Variants in PKHD1 observed in about 807,000 individuals in gnomAD.
PKHD1 encodes the protein fibrocystin.
In PKHD1, 291 loss-of-function variants were observed where a neutral mutation model predicts 412.0. The observed-to-expected ratio is 0.71, with a 90% CI of 0.64 to 0.78. The LOEUF (loss-of-function observed/expected upper bound fraction) is 0.78, where lower values mean the gene tolerates loss of function less well. Among genes scored for constraint, PKHD1 ranks in the 30% least tolerant of loss-of-function variants. The probability of loss-of-function intolerance (pLI) is 0.00; values close to 1 mark genes in which losing one functional copy is unlikely to be tolerated. For missense variants in PKHD1, 4,825 were observed against 4,950.7 expected (o/e 0.97, Z 0.76); for synonymous variants, 1,777 against 1,821.5 (o/e 0.98, Z 0.62).
intron 43 of PKHD1, among the ~76,000 whole-genome samples, chr6:51,899,513 A>G (rs1314664066): frequency 6.6e-6 from 1 of 151,830 alleles, no homozygotes; most frequent in Non-Finnish European, 1.5e-5. Flanking sequence ...GATGGGATGT[A>G]TTTCAAAATA....
Position 51,627,061 on chromosome 6 carries a change from G to A in PKHD1, c.11721C>T (p.Ile3907=), listed in dbSNP as rs751898701. 1.9e-6 allele frequency: 3 copies of A among 1,609,934 alleles called. No homozygotes were observed. In the African/African-American group the frequency reaches 4.0e-5, roughly 22 times the overall value. Residue 3907 remains isoleucine, a synonymous_variant, in exon 66 of 67, where the codon ATC becomes ATT. Transcript: ENST00000371117. ...ESQTNNQNIH[I]HISSKRRESQ... The stretch of plus-strand genomic sequence containing the variant: ...ATTCTCGGCGTTTGGATGAGATGTG[G>A]ATATGAATATTTTGATTATTAGTCT...
At chr6:51,693,017 G>A (rs1311571119) in intron 60 of PKHD1, among the ~76,000 whole-genome samples, 1 of 152,038 alleles carries the variant, frequency 6.6e-6, no homozygotes, top group Non-Finnish European at 1.5e-5. Flanking sequence ...CCTCAACTGT[G>A]GTATGTATTG....
At chr6:51,944,033 C>A (rs564309254) in intron 36 of PKHD1, among the ~76,000 whole-genome samples, 2 of 151,916 alleles carry the variant, frequency 1.3e-5, no homozygotes, top group Non-Finnish European at 1.5e-5. Context: ...GTGACCTGCA[C>A]GTATACATCC....
At chr6:51,639,471 A>G (rs1363382408) in intron 63 of PKHD1, among the ~76,000 whole-genome samples, 1 of 152,142 alleles carries the variant, frequency 6.6e-6, no homozygotes, top group Non-Finnish European at 1.5e-5. Flanking sequence ...ATGTGGTACC[A>G]GAATTAGGCC....
chr6:52,035,866 C>A, intron 27 of PKHD1, 145 bp from the exon 28 acceptor site: 4 of 808,050 alleles, frequency 5.0e-6, no homozygotes, highest in Middle Eastern at 3.5e-4. Context: ...AGGAAAAAAA[C>A]TGGAGTTAAA....
chr6:51,842,278 G>A (rs1046549592), intron 50 of PKHD1, among the ~76,000 whole-genome samples: 5 of 152,118 alleles, frequency 3.3e-5, no homozygotes, highest in Non-Finnish European at 5.9e-5. Flanking sequence ...GTGTGAACTC[G>A]GGAGGGCAAC....
chr6:51,870,429 T>C, intron 47 of PKHD1, 75 bp downstream of exon 47: 1 of 1,163,130 alleles, frequency 8.6e-7, no homozygotes, highest in Middle Eastern at 1.9e-4. Flanking sequence ...ATTCACAAAG[T>C]ATTTGCCACT....
At chr6:51,980,163 C>A (rs1200320390) in intron 35 of PKHD1, among the ~76,000 whole-genome samples, 1 of 152,180 alleles carries the variant, frequency 6.6e-6, no homozygotes, top group Non-Finnish European at 1.5e-5. Flanking sequence ...AAGCAACAAA[C>A]AAATGGGGGA....
intron 60 of PKHD1, chr6:51,682,237 A>C (rs1394051775): frequency 1.3e-5 from 6 of 455,646 alleles, no homozygotes; most frequent in Non-Finnish European, 2.2e-5. Context: ...TTTTGTCCCC[A>C]GGAGACCTAG....
chr6:51,782,379 A>G (rs1792173737), intron 53 of PKHD1, among the ~76,000 whole-genome samples: 1 of 152,190 alleles, frequency 6.6e-6, no homozygotes, highest in Admixed American at 6.6e-5. Context: ...TTTTGAAATA[A>G]GTATTATTTA....
Position 51,897,138 on chromosome 6 carries a change from G to A in PKHD1, c.6996+6459C>T, listed in dbSNP as rs573043857. Among the ~76,000 whole-genome samples the A allele has an allele frequency of 2.1e-4, 32 of 152,126 alleles. 1 individual carries two copies. In the South Asian group the frequency reaches 3.3e-3, roughly 16 times the overall value. ...CCCCAATCTAGCAAGGCAGGCCAACGTTCAGATTCAGGAAATAGAGAGAAC... is the reference window on the plus strand; with the variant it reads ...CCCCAATCTAGCAAGGCAGGCCAACATTCAGATTCAGGAAATAGAGAGAAC... On this transcript the variant is annotated intron_variant, in intron 43 of 66. Coordinates refer to ENST00000371117, the MANE Select transcript of PKHD1 (RefSeq NM_138694.4).
chr6:52,017,390 G>C lies in PKHD1; in HGVS notation c.5600+20C>G. The C allele has an allele frequency of 6.5e-7, 1 of 1,528,276 alleles. No individual in the cohort carries two copies. The highest frequency in any genetic ancestry group is 9.1e-7 in the Non-Finnish European group (1 of 1,101,766). The allele number at this position is 1,528,276 out of a possible 1,614,324, so 94.7% of individuals were successfully genotyped here. A position where few individuals can be genotyped will look rare whatever the true frequency, so the allele number is the denominator to read the frequency against. On this transcript the variant is annotated intron_variant, in intron 34 of 66. Transcript: ENST00000371117. ...CCAAGCATTTGTGGGGAAGTTCAGG[G>C]AGGGAGAAGGTAAAGTTACCTGATA...
chr6:51,726,474 T>G (rs1782583663), intron 60 of PKHD1, among the ~76,000 whole-genome samples: 1 of 152,202 alleles, frequency 6.6e-6, no homozygotes, highest in African/African-American at 2.4e-5. Context: ...TAATCACCTC[T>G]TTTCTGCCAT....
chr6:51,887,390 CT>C (rs201746623), intron 43 of PKHD1, 145 bp from the exon 44 acceptor site: 136 of 674,226 alleles, frequency 2.0e-4, no homozygotes, highest in African/African-American at 7.6e-4. Context: ...CTCATTTATT[CT>C]TTTTTTTTCC....
chr6:51,833,547 G>C (rs1163611284), intron 51 of PKHD1, among the ~76,000 whole-genome samples: 1 of 152,158 alleles, frequency 6.6e-6, no homozygotes, highest in African/African-American at 2.4e-5. Context: ...AGCAGTCAGA[G>C]ATCTACTGGG....
chr6:51,806,658 C>T (rs1763827258), intron 52 of PKHD1, among the ~76,000 whole-genome samples: 1 of 151,682 alleles, frequency 6.6e-6, no homozygotes, highest in Admixed American at 6.6e-5. Context: ...ATCACCAAGA[C>T]AGAATGAGAA....
intron 35 of PKHD1, among the ~76,000 whole-genome samples, chr6:51,968,437 T>A (rs1268655): frequency 0.99 from 150,211 of 152,272 alleles, 74,107 homozygotes; most frequent in East Asian, 1. Flanking sequence ...CACAGCTCAC[T>A]GAGGGCAAAG....
chr6:51,659,051 C>A lies in PKHD1; in HGVS notation c.11075G>T (p.Arg3692Leu). 1 of 1,613,500 alleles carries A rather than the reference C, an allele frequency of 6.2e-7. No homozygotes were observed. The highest frequency in any genetic ancestry group is 8.5e-7 in the Non-Finnish European group (1 of 1,179,596). Residue 3692 changes from arginine (R) to leucine (L), a missense_variant, in exon 61 of 67, where the codon CGA becomes CTA. Physicochemically the swap from Arg to Leu is moderately radical, Grantham distance 102 (BLOSUM62 -2). Coordinates refer to ENST00000371117, the MANE Select transcript of PKHD1 (RefSeq NM_138694.4). ...CCCAGTCTGTTGAGCAGTGATGACT[C>A]GATGAGCCAAATTCTGTAATTTGTT... ...SSNKLQNLAH[R>L]VITAQQTGVL...
At chr6:51,939,376 T>C (rs1190743417) in intron 36 of PKHD1, among the ~76,000 whole-genome samples, 1 of 151,366 alleles carries the variant, frequency 6.6e-6, no homozygotes, top group Non-Finnish European at 1.5e-5. Flanking sequence ...CTACTCTCTC[T>C]TTTCTCTTGG....
Sources: gnomAD v4.1 joint callset for allele counts (sites outside exome capture counted in the v4.1 genomes callset) on GRCh38, gnomAD v4.1.1 for gene constraint, MANE v1.5 for transcripts, NCBI Gene and HGNC (gene_info 2026-07-23, HGNC 2026-07-21) for gene names.